The following NRXN3 variants were observed in gnomAD, a reference collection of about 807,000 sequenced individuals.
NRXN3 encodes the protein neurexin III.
NRXN3 carries 32 observed loss-of-function variants against 137.6 expected under a neutral mutation model. That is an observed-to-expected ratio of 0.23 (90% confidence interval 0.18 to 0.31). The LOEUF (loss-of-function observed/expected upper bound fraction) is 0.31. Among genes scored for constraint, NRXN3 ranks in the 10% least tolerant of loss-of-function variants. NRXN3 has a pLI of 1.00. For synonymous variants in NRXN3, 798 were observed against 784.5 expected, an observed-to-expected ratio of 1.02 and a Z score of -0.29; for missense variants, 1,574 against 2,062.5, an observed-to-expected ratio of 0.76 and a Z score of 4.59.
intron 15 of NRXN3, among the ~76,000 whole-genome samples, chr14:79,404,632 A>G (rs1401280749): frequency 1.3e-5 from 2 of 152,190 alleles, no homozygotes; most frequent in African/African-American, 4.8e-5. Context: ...AAATATCGAA[A>G]GAAACACACT....
At chr14:79,472,755 G>A (rs964297743) in intron 16 of NRXN3, among the ~76,000 whole-genome samples, 3 of 152,110 alleles carry the variant, frequency 2.0e-5, no homozygotes, top group East Asian at 1.9e-4. Context: ...TTTAAGGAGC[G>A]GTGTCATGTT....
chr14:78,857,656 AT>A (rs2099061238), intron 10 of NRXN3, among the ~76,000 whole-genome samples: 1 of 152,194 alleles, frequency 6.6e-6, no homozygotes, highest in Non-Finnish European at 1.5e-5. Flanking sequence ...GAAGGAAAAA[AT>A]AATTTATATT....
intron 2 of NRXN3, among the ~76,000 whole-genome samples, chr14:78,247,956 T>A (rs2067939803): frequency 6.6e-6 from 1 of 152,216 alleles, no homozygotes; most frequent in Non-Finnish European, 1.5e-5. Flanking sequence ...TGTGGCAGGT[T>A]GGGTGGAGCC....
chr14:79,321,801 C>A (rs902748827), intron 15 of NRXN3, among the ~76,000 whole-genome samples: 2 of 148,722 alleles, frequency 1.3e-5, no homozygotes, highest in East Asian at 3.9e-4. Context: ...TATTAATATA[C>A]TTATATAAGC....
intron 15 of NRXN3, among the ~76,000 whole-genome samples, chr14:78,995,769 A>G (rs2099528748): frequency 6.6e-6 from 1 of 152,238 alleles, no homozygotes; most frequent in Non-Finnish European, 1.5e-5. Flanking sequence ...TGAGAGAAAC[A>G]AGATGGTAAC....
chr14:78,831,559 A>C (rs866188028), intron 10 of NRXN3, among the ~76,000 whole-genome samples: 95 of 149,334 alleles, frequency 6.4e-4, no homozygotes, highest in South Asian at 1.1e-3. Context: ...AAAAAAAAAA[A>C]AACAACAACA....
At chr14:78,845,675 A>G (rs2099024535) in intron 10 of NRXN3, among the ~76,000 whole-genome samples, 1 of 152,058 alleles carries the variant, frequency 6.6e-6, no homozygotes, top group Non-Finnish European at 1.5e-5. Context: ...CTTTCCAGGT[A>G]TCTTCCAACT....
At chr14:79,592,960 T>C (rs1268819483) in intron 16 of NRXN3, among the ~76,000 whole-genome samples, 8 of 152,258 alleles carry the variant, frequency 5.3e-5, no homozygotes, top group African/African-American at 1.4e-4. Flanking sequence ...ATTTGAAAAA[T>C]AAGCCATCAA....
intron 15 of NRXN3, among the ~76,000 whole-genome samples, chr14:79,396,399 A>T (rs2095027957): frequency 6.6e-6 from 1 of 152,164 alleles, no homozygotes. Flanking sequence ...GGTGGAACAA[A>T]TGTTCTCACC....
At chr14:79,422,228 T>C (rs1393149231) in intron 15 of NRXN3, among the ~76,000 whole-genome samples, 3 of 151,914 alleles carry the variant, frequency 2.0e-5, no homozygotes, top group Non-Finnish European at 4.4e-5. Flanking sequence ...CCAGCAATTT[T>C]TTTTTTGTCT....
chr14:78,644,162 AAAGAAG>A (rs2097663765), intron 4 of NRXN3, among the ~76,000 whole-genome samples: 1 of 151,862 alleles, frequency 6.6e-6, no homozygotes, highest in East Asian at 1.9e-4. Flanking sequence ...AAGGAAATAA[AAAGAAG>A]AAGAAGAAAA....
intron 15 of NRXN3, among the ~76,000 whole-genome samples, chr14:79,158,174 ACT>A (rs1160730162): frequency 1.4e-4 from 21 of 151,812 alleles, no homozygotes; most frequent in African/African-American, 4.6e-4. Context: ...CCCTGTGTAT[ACT>A]CTCTTTCAGA....
chr14:78,422,292 T>C (rs891926677), intron 4 of NRXN3, among the ~76,000 whole-genome samples: 8 of 152,218 alleles, frequency 5.3e-5, no homozygotes, highest in African/African-American at 1.9e-4. Context: ...AGAACTCTTA[T>C]CATTGTTGCA....
intron 16 of NRXN3, among the ~76,000 whole-genome samples, chr14:79,636,615 G>T (rs1399065950): frequency 2.0e-5 from 3 of 152,130 alleles, no homozygotes; most frequent in African/African-American, 7.2e-5. Context: ...TATTTCCAGT[G>T]AGCAGAAACA....
intron 1 of NRXN3, among the ~76,000 whole-genome samples, chr14:78,232,048 G>A (rs941810072): frequency 6.6e-6 from 1 of 152,214 alleles, no homozygotes; most frequent in Non-Finnish European, 1.5e-5. Context: ...ACCTTTTGTG[G>A]GCACATTGCT....
At chr14:78,669,043 C>G (rs1602168612) in intron 6 of NRXN3, among the ~76,000 whole-genome samples, 3 of 151,884 alleles carry the variant, frequency 2.0e-5, no homozygotes, top group Admixed American at 2.0e-4. Flanking sequence ...TACAATGAAG[C>G]CCCAGATAAG....
chr14:78,571,891 C>A (rs1165560336), intron 4 of NRXN3, among the ~76,000 whole-genome samples: 1 of 152,022 alleles, frequency 6.6e-6, no homozygotes, highest in East Asian at 1.9e-4. Flanking sequence ...CCTCCTGAAC[C>A]CTGTGATTTC....
intron 1 of NRXN3, among the ~76,000 whole-genome samples, chr14:78,231,088 C>T (rs974860015): frequency 6.6e-5 from 10 of 152,072 alleles, no homozygotes; most frequent in East Asian, 1.9e-4. Flanking sequence ...ATCCTGTCAA[C>T]GGGTAAGGAA....
intron 17 of NRXN3, among the ~76,000 whole-genome samples, chr14:79,686,545 A>C (rs2154020950): frequency 6.6e-6 from 1 of 152,288 alleles, no homozygotes; most frequent in Non-Finnish European, 1.5e-5. Context: ...CCCTTGCCTG[A>C]GTTATTGCAT....
Sources: allele counts gnomAD v4.1 joint callset (sites outside exome capture counted in the v4.1 genomes callset), GRCh38; gene constraint gnomAD v4.1.1; transcripts MANE v1.5; gene names NCBI Gene and HGNC (gene_info 2026-07-23, HGNC 2026-07-21).